The following TSPAN9 variants were observed in gnomAD, a reference collection of about 807,000 sequenced individuals.
The protein encoded by TSPAN9 is tetraspanin 9, also known as tetraspanin-9.
A neutral mutation model predicts 31.0 loss-of-function variants in TSPAN9; 16 were observed. The ratio of observed to expected loss-of-function variants is 0.52; its 90% CI spans 0.35 to 0.78. The LOEUF is 0.78. Among genes scored for constraint, TSPAN9 ranks in the 30% least tolerant of loss-of-function variants. TSPAN9 has a pLI of 0.01. For missense variants in TSPAN9, 272 were observed against 312.5 expected (o/e 0.87, Z 0.98); for synonymous variants, 145 against 121.6 (o/e 1.19, Z -1.27).
intron 2 of TSPAN9, among the ~76,000 whole-genome samples, chr12:3,131,263 C>A (rs546695125): frequency 2.5e-5 from 1 of 40,636 alleles, no homozygotes; most frequent in East Asian, 9.6e-4. Context: ...CCAGGCACCG[C>A]GTGGTTGAGT....
At chr12:3,225,579 G>A (rs980690811) in intron 3 of TSPAN9, among the ~76,000 whole-genome samples, 4 of 152,106 alleles carry the variant, frequency 2.6e-5, no homozygotes, top group Non-Finnish European at 4.4e-5. Context: ...ATGGGGGACC[G>A]TTGTTGCATC....
intron 2 of TSPAN9, among the ~76,000 whole-genome samples, chr12:3,116,941 G>A (rs930786032): frequency 8.5e-5 from 13 of 152,224 alleles, no homozygotes; most frequent in Admixed American, 2.0e-4. Context: ...TCCTCAGCCC[G>A]AGGTGGCTCT....
chr12:3,270,006 T>C (rs1862643638), intron 3 of TSPAN9, among the ~76,000 whole-genome samples: 1 of 152,196 alleles, frequency 6.6e-6, no homozygotes, highest in African/African-American at 2.4e-5. Flanking sequence ...TGGCAGGTGC[T>C]CTCTATTATC....
intron 2 of TSPAN9, among the ~76,000 whole-genome samples, chr12:3,125,759 C>T (rs2098327095): frequency 6.6e-6 from 1 of 151,934 alleles, no homozygotes; most frequent in African/African-American, 2.4e-5. Flanking sequence ...ACCAGGGCAG[C>T]CTGGTGTCAC....
intron 3 of TSPAN9, among the ~76,000 whole-genome samples, chr12:3,274,050 G>A (rs1862736081): frequency 6.6e-6 from 1 of 152,066 alleles, no homozygotes; most frequent in Non-Finnish European, 1.5e-5. Context: ...GGTAGGGGGC[G>A]GGGTTTCTCA....
At chr12:3,278,898 C>A in intron 4 of TSPAN9, 94 bp from the exon 5 acceptor site, 2 of 1,366,568 alleles carry the variant, frequency 1.5e-6, no homozygotes, top group Non-Finnish European at 2.1e-6. Context: ...CTGGGAAGCC[C>A]CACCTAGGCG....
intron 3 of TSPAN9, among the ~76,000 whole-genome samples, chr12:3,206,837 T>G (rs371933195): frequency 6.6e-6 from 1 of 152,046 alleles, no homozygotes; most frequent in Non-Finnish European, 1.5e-5. Context: ...AGAGACAAGA[T>G]ATAGAGATAA....
At chr12:3,159,378 A>G (rs2098343885) in intron 2 of TSPAN9, among the ~76,000 whole-genome samples, 1 of 152,226 alleles carries the variant, frequency 6.6e-6, no homozygotes, top group South Asian at 2.1e-4. Flanking sequence ...TTTAAAGAAC[A>G]GTTTTCCTGA....
At chr12:3,114,746 G>T (rs1266688225) in intron 2 of TSPAN9, among the ~76,000 whole-genome samples, 1 of 151,722 alleles carries the variant, frequency 6.6e-6, no homozygotes, top group African/African-American at 2.4e-5. Flanking sequence ...CTGAGGCTGA[G>T]GCAGGAGAAT....
At chr12:3,155,755 G>A (rs544826090) in intron 2 of TSPAN9, among the ~76,000 whole-genome samples, 2 of 152,238 alleles carry the variant, frequency 1.3e-5, no homozygotes, top group East Asian at 1.9e-4. Context: ...CCTTTTCTCC[G>A]TTTTCCCATC....
chr12:3,260,142 C>T (rs890153168), intron 3 of TSPAN9, among the ~76,000 whole-genome samples: 6 of 152,242 alleles, frequency 3.9e-5, no homozygotes, highest in Admixed American at 3.3e-4. Flanking sequence ...CAGGGCTGCC[C>T]ACTCCGCTCA....
chr12:3,135,635 T>G (rs950791752), intron 2 of TSPAN9, among the ~76,000 whole-genome samples: 5 of 152,134 alleles, frequency 3.3e-5, no homozygotes, highest in African/African-American at 1.2e-4. Context: ...CTTACTGATG[T>G]TGACCACTAG....
chr12:3,255,783 T>G (rs1245658426), intron 3 of TSPAN9, among the ~76,000 whole-genome samples: 1 of 152,214 alleles, frequency 6.6e-6, no homozygotes, highest in African/African-American at 2.4e-5. Flanking sequence ...GACAAATAAA[T>G]GAACCCATGA....
At chr12:3,169,905 C>T (rs1017898541) in intron 2 of TSPAN9, among the ~76,000 whole-genome samples, 1 of 150,780 alleles carries the variant, frequency 6.6e-6, no homozygotes, top group African/African-American at 2.4e-5. Flanking sequence ...GAGTGGGACT[C>T]AAGCCATCCA....
At chr12:3,256,501 G>A (rs989390606) in intron 3 of TSPAN9, among the ~76,000 whole-genome samples, 16 of 152,240 alleles carry the variant, frequency 1.1e-4, no homozygotes, top group African/African-American at 2.2e-4. Context: ...TATAAATAGC[G>A]GATGACGGGC....
chr12:3,086,423 G>T (rs2098300533), intron 2 of TSPAN9, among the ~76,000 whole-genome samples: 1 of 151,782 alleles, frequency 6.6e-6, no homozygotes, highest in South Asian at 2.1e-4. Flanking sequence ...CTCCCTCACA[G>T]TGGATGGCTG....
At chr12:3,225,864 G>C (rs928949338) in intron 3 of TSPAN9, among the ~76,000 whole-genome samples, 1 of 152,108 alleles carries the variant, frequency 6.6e-6, no homozygotes, top group Non-Finnish European at 1.5e-5. Context: ...TTCATTCTCA[G>C]CTGGAAGAAC....
At chr12:3,217,579 A>C (rs1187789101) in intron 3 of TSPAN9, among the ~76,000 whole-genome samples, 1 of 152,062 alleles carries the variant, frequency 6.6e-6, no homozygotes, top group Non-Finnish European at 1.5e-5. Flanking sequence ...GTCACCCCAG[A>C]CCATATTACT....
chr12:3,086,963 C>G (rs1180269664), intron 2 of TSPAN9, among the ~76,000 whole-genome samples: 1 of 152,164 alleles, frequency 6.6e-6, no homozygotes, highest in Non-Finnish European at 1.5e-5. Flanking sequence ...TGGTCCCTCC[C>G]CTTGCAATGT....
Sources: allele counts gnomAD v4.1 joint callset (sites outside exome capture counted in the v4.1 genomes callset), GRCh38; gene constraint gnomAD v4.1.1; transcripts MANE v1.5; gene names NCBI Gene and HGNC (gene_info 2026-07-23, HGNC 2026-07-21).